ZNF548: variants seen among roughly 807,000 people sequenced by gnomAD.
ZNF548 encodes the protein zinc finger protein 548.
In ZNF548, 10 loss-of-function variants were observed where a neutral mutation model predicts 10.2. The observed-to-expected ratio is 0.98, with a 90% CI of 0.60 to 1.66. ZNF548 has a LOEUF of 1.66. Ranked by LOEUF, ZNF548 falls within the 40% of genes most tolerant of loss-of-function variation. The pLI, the probability that ZNF548 is intolerant of heterozygous loss-of-function variation, is 0.00. For synonymous variants in ZNF548, 217 were observed against 223.5 expected, an observed-to-expected ratio of 0.97 and a Z score of 0.26; for missense variants, 599 against 657.0, an observed-to-expected ratio of 0.91 and a Z score of 0.97.
At position 57,395,928 on chromosome 19, in the gene ZNF548, C is replaced by T. The variant is rs929922875; in HGVS notation, c.52-1120C>T. Among the ~76,000 whole-genome samples, 6 of 152,144 alleles carry T rather than the reference C, an allele frequency of 3.9e-5. No homozygotes were observed. Among genetic ancestry groups the T allele is most frequent in the Admixed American group, 6.5e-5 (1 of 15,272 alleles). On this transcript the variant is annotated intron_variant, in intron 2 of 3. Coordinates refer to ENST00000336128, the MANE Select transcript of ZNF548 (RefSeq NM_001172773.2). This position sits in a 1 kb window ranked among gnomAD's most constrained non-coding sequence, Gnocchi z 4.8. Reference sequence around the variant, plus strand: ...CTGACAGTGAAGTGAGAAACAGGGCCGTGTAGGGAACCTTCAACCCAGGGC... The same window carrying T: ...CTGACAGTGAAGTGAGAAACAGGGCTGTGTAGGGAACCTTCAACCCAGGGC...
rs1196764075 is a variant in ZNF548 at position 57,399,061 on chromosome 19, T to G, written c.810T>G (p.Cys270Trp). 1 of 1,614,230 alleles carries G rather than the reference T, an allele frequency of 6.2e-7. No homozygotes were observed. Among genetic ancestry groups the G allele is most frequent in the Non-Finnish European group, 8.5e-7 (1 of 1,180,024 alleles). ...TSERTYECRE[C>W]GKSFMYNYRL... Reference sequence around the variant, plus strand: ...AAAGGACTTATGAGTGCAGAGAATGTGGAAAATCCTTTATGTACAACTACC... The same window carrying G: ...AAAGGACTTATGAGTGCAGAGAATGGGGAAAATCCTTTATGTACAACTACC... Residue 270 changes from cysteine to tryptophan, a missense_variant, in exon 4 of 4, where the codon TGT (cysteine) becomes TGG (tryptophan). Coordinates refer to ENST00000336128, the MANE Select transcript of ZNF548 (RefSeq NM_001172773.2). This position sits in a 1 kb window ranked among gnomAD's most constrained non-coding sequence, Gnocchi z 4.0.
In ZNF548 at chr19:57,399,817, G is replaced by T. The variant is rs2088700659; in HGVS notation, c.1566G>T (p.Val522=). The change falls in exon 4 of 4, where the codon GTG becomes GTT. Residue 522 remains valine, a synonymous_variant. Transcript: ENST00000336128. The surrounding 1 kb of genome is among the most constrained non-coding windows in gnomAD (Gnocchi z 4.0). The part of the protein sequence containing the change: ...SEERLVCSMN[V]GNSLAKTPTS... The stretch of plus-strand genomic sequence containing the variant: ...AGAGGCTTGTGTGCTCCATGAATGT[G>T]GGGAATTCTTTAGCTAAAACTCCAA... 1 of 1,613,788 alleles carries T rather than the reference G, an allele frequency of 6.2e-7. No individual in the cohort carries two copies. The highest frequency in any genetic ancestry group is 1.1e-5 in the South Asian group (1 of 91,068).
chr19:57,391,789 GTTTTTTTTTTT>G (rs71186258), intron 1 of ZNF548, among the ~76,000 whole-genome samples: 1 of 93,584 alleles, frequency 1.1e-5, no homozygotes, highest in African/African-American at 4.1e-5. Flanking sequence ...TGTGCTTACT[GTTTTTTTTTTT>G]TTTTTTTTTT....
Position 57,397,054 on chromosome 19 carries a change from G to A in ZNF548, c.58G>A (p.Val20Met). 6.2e-7 allele frequency: 1 copy of A among 1,610,180 alleles called. No individual in the cohort carries two copies. Among genetic ancestry groups the A allele is most frequent in the South Asian group, 1.1e-5 (1 of 90,710 alleles). The change falls in exon 3 of 4, where the codon GTG becomes ATG. Residue 20 changes from valine to methionine, a missense_variant. Coordinates refer to ENST00000336128, the MANE Select transcript of ZNF548 (RefSeq NM_001172773.2). ...MAEMDPTQGR[V>M]VFEDVAIYFS... ...ATCTTTCCCAATTTGGCAGGGCCGTGTGGTCTTTGAGGACGTGGCCATATA... is the reference window on the plus strand; with the variant it reads ...ATCTTTCCCAATTTGGCAGGGCCGTATGGTCTTTGAGGACGTGGCCATATA...
intron 2 of ZNF548, 63 bp from the exon 3 acceptor site, chr19:57,396,985 G>T (rs2088670683): frequency 6.5e-7 from 1 of 1,543,934 alleles, no homozygotes; most frequent in African/African-American, 1.4e-5. Flanking sequence ...AGAAAATAGA[G>T]AACTTAAGTA....
Position 57,399,736 on chromosome 19 carries a change from G to C in ZNF548, c.1485G>C (p.Gln495His), listed in dbSNP as rs775856822. 21 of 1,614,194 alleles carry C rather than the reference G, an allele frequency of 1.3e-5. No individual in the cohort carries two copies. Among genetic ancestry groups the C allele is most frequent in the Non-Finnish European group, 1.8e-5 (21 of 1,180,036 alleles). The stretch of plus-strand genomic sequence containing the variant: ...GACCTTATGAGTGCAGCGAATGCCA[G>C]AAGGCCTTTATTAGAAAGTCTCACC... ...GERPYECSECQKAFIRKSHLV... is the reference protein window; with the variant it reads ...GERPYECSECHKAFIRKSHLV... The change falls in exon 4 of 4, where the codon CAG (glutamine) becomes CAC (histidine). Residue 495 changes from glutamine (Q) to histidine (H), a missense_variant. Transcript: ENST00000336128. This position sits in a 1 kb window ranked among gnomAD's most constrained non-coding sequence, Gnocchi z 4.0.
At chr19:57,397,549 A>G (rs543192750) in intron 3 of ZNF548, among the ~76,000 whole-genome samples, 4 of 152,190 alleles carry the variant, frequency 2.6e-5, no homozygotes, top group African/African-American at 9.6e-5. Context: ...AATTTCAGGC[A>G]CTGCCCTGGT....
intron 3 of ZNF548, 89 bp from the exon 4 acceptor site, chr19:57,398,341 T>A: frequency 6.4e-7 from 1 of 1,559,558 alleles, no homozygotes; most frequent in African/African-American, 1.4e-5. Context: ...ATGGCCTTAT[T>A]TGTGTGTGTG....
rs2088610362 is a variant in ZNF548 at position 57,389,956 on chromosome 19, G to C, written c.-144G>C. On this transcript the variant is annotated 5_prime_UTR_variant, in exon 1 of 4. Coordinates refer to ENST00000336128, the MANE Select transcript of ZNF548 (RefSeq NM_001172773.2). ...CTGACGTCACCGAAGTGACGGAACG[G>C]AAAAGCGCGAGAAGCGGCTCGGTTC... 1 of 1,088,230 alleles carries C rather than the reference G, an allele frequency of 9.2e-7. No individual in the cohort carries two copies. The highest frequency in any genetic ancestry group is 1.5e-5 in the African/African-American group (1 of 64,534). The allele number at this position is 1,088,230 out of a possible 1,614,324, so 67.4% of individuals were successfully genotyped here. A position where few individuals can be genotyped will look rare whatever the true frequency, so the allele number is the denominator to read the frequency against.
intron 1 of ZNF548, chr19:57,392,885 A>G: frequency 1.0e-6 from 1 of 985,576 alleles, no homozygotes; most frequent in Non-Finnish European, 1.2e-6. Context: ...TCTGTCCAGA[A>G]CGGTGCAGAC....
At chr19:57,397,521 G>A (rs2088676078) in intron 3 of ZNF548, among the ~76,000 whole-genome samples, 2 of 152,018 alleles carry the variant, frequency 1.3e-5, no homozygotes, top group Non-Finnish European at 2.9e-5. Flanking sequence ...ATATTTCTTG[G>A]TGCCTTCCTG....
At position 57,400,139 on chromosome 19, in the gene ZNF548, T is replaced by A; in HGVS notation, c.*250T>A. ...ATAAGTGGATTCTACAGTATTTATC[T>A]TTTGAGACTGGCTTATTTCACTTAG... On this transcript the variant is annotated 3_prime_UTR_variant, in exon 4 of 4. Transcript: ENST00000336128. 1 of 399,454 alleles carries A rather than the reference T, an allele frequency of 2.5e-6. No individual in the cohort carries two copies. The allele number at this position is 399,454 out of a possible 1,614,324, so 24.7% of individuals were successfully genotyped here.
chr19:57,398,961 A>T lies in ZNF548; in HGVS notation c.710A>T (p.Tyr237Phe). 1 of 1,614,132 alleles carries T rather than the reference A, an allele frequency of 6.2e-7. No individual in the cohort carries two copies. Among genetic ancestry groups the T allele is most frequent in the African/African-American group, 1.3e-5 (1 of 75,066 alleles). ...HQKIHTGERSYECNKCGKFFK... is the reference protein window; with the variant it reads ...HQKIHTGERSFECNKCGKFFK... ...AAAATCCACACAGGAGAAAGGTCTT[A>T]TGAATGTAACAAATGTGGGAAATTC... Residue 237 changes from tyrosine to phenylalanine, a missense_variant, in exon 4 of 4, where the codon TAT (tyrosine) becomes TTT (phenylalanine). By Grantham distance (22) the Tyr-to-Phe change is conservative. Coordinates refer to ENST00000336128, the MANE Select transcript of ZNF548 (RefSeq NM_001172773.2).
intron 1 of ZNF548, among the ~76,000 whole-genome samples, chr19:57,392,198 T>A (rs190118349): frequency 6.6e-6 from 1 of 152,344 alleles, no homozygotes; most frequent in African/African-American, 2.4e-5. Flanking sequence ...TAGTACCCTG[T>A]CAGATGCATA....
At position 57,401,993 on chromosome 19, in the gene ZNF548, C is replaced by T. The variant is rs977513497; in HGVS notation, c.*2104C>T. ...GCCTTAAGTGATCCCCCTGCCTCGG[C>T]CTCCCAAATTGCTGAGATTACAGGC... On this transcript the variant is annotated 3_prime_UTR_variant, in exon 4 of 4. Transcript: ENST00000336128. 1.3e-5 allele frequency: 2 copies of T among 152,208 alleles called. No individual in the cohort carries two copies. The highest frequency in any genetic ancestry group is 4.8e-5 in the African/African-American group (2 of 41,444). 9.4% of individuals were successfully genotyped at this position (152,208 alleles called of 1,614,324 possible).
rs912482603 is a variant in ZNF548 at position 57,389,942 on chromosome 19, G to A, written c.-158G>A. ...GCCTATGGCTCTGTCTGACGTCACC[G>A]AAGTGACGGAACGGAAAAGCGCGAG... On this transcript the variant is annotated 5_prime_UTR_variant, in exon 1 of 4. Transcript: ENST00000336128. 2.1e-5 allele frequency: 18 copies of A among 872,420 alleles called. No homozygotes were observed. The highest frequency in any genetic ancestry group is 2.7e-5 in the Non-Finnish European group (16 of 585,680). The allele number at this position is 872,420 out of a possible 1,614,324, so 54.0% of individuals were successfully genotyped here. A position where few individuals can be genotyped will look rare whatever the true frequency, so the allele number is the denominator to read the frequency against.
In ZNF548 at chr19:57,389,893, C is replaced by T. The variant is rs12460323; in HGVS notation, c.-207C>T. 0.21 allele frequency: 110,527 copies of T among 530,798 alleles called. 12,920 individuals are homozygous for T. The highest frequency in any genetic ancestry group is 0.36 in the African/African-American group (18,737 of 52,244). The allele number at this position is 530,798 out of a possible 1,614,324, so 32.9% of individuals were successfully genotyped here. A position where few individuals can be genotyped will look rare whatever the true frequency, so the allele number is the denominator to read the frequency against. On this transcript the variant is annotated 5_prime_UTR_variant, in exon 1 of 4. Transcript: ENST00000336128. ...CCTCCTGGTGGTGGTCGTTTTGGTT[C>T]TGTGTGGTGTTTCACCAACTTCGGC... is the stretch of plus-strand genomic sequence containing the variant.
chr19:57,396,808 C>CT (rs2088668972), intron 2 of ZNF548: 1 of 454,588 alleles, frequency 2.2e-6, no homozygotes, highest in African/African-American at 2.0e-5. Context: ...TCCAGGACAC[C>CT]TGGGCTATTG....
In ZNF548 at chr19:57,399,960, C is replaced by T. The variant is rs1374445876; in HGVS notation, c.*71C>T. On this transcript the variant is annotated 3_prime_UTR_variant, in exon 4 of 4. Transcript: ENST00000336128. The surrounding 1 kb of genome is among the most constrained non-coding windows in gnomAD (Gnocchi z 4.0). Reference sequence around the variant, plus strand: ...GCAACTAATCTCCAGAACATTTTTCCTCTTACCAAGAAGTAAAATGCTGTA... The same window carrying T: ...GCAACTAATCTCCAGAACATTTTTCTTCTTACCAAGAAGTAAAATGCTGTA... 3.1e-6 allele frequency: 4 copies of T among 1,295,654 alleles called. No individual in the cohort carries two copies. Among genetic ancestry groups the T allele is most frequent in the African/African-American group, 3.0e-5 (2 of 66,786 alleles). 80.3% of individuals were successfully genotyped at this position (1,295,654 alleles called of 1,614,324 possible).
Sources: gnomAD v4.1 joint callset for allele counts (sites outside exome capture counted in the v4.1 genomes callset) on GRCh38, gnomAD v4.1.1 for gene constraint, Gnocchi (gnomAD v3.1) non-coding constraint, MANE v1.5 for transcripts, NCBI Gene and HGNC (gene_info 2026-07-23, HGNC 2026-07-21) for gene names.